GALNT13: variants seen among roughly 807,000 people sequenced by gnomAD.
GALNT13 encodes the protein UDP-GalNAc:polypeptide N-acetylgalactosaminyltransferase 13.
In GALNT13, 28 loss-of-function variants were observed where a neutral mutation model predicts 64.2. The ratio of observed to expected loss-of-function variants is 0.44; its 90% CI spans 0.32 to 0.60. The LOEUF (loss-of-function observed/expected upper bound fraction) is 0.60, where lower values mean the gene tolerates loss of function less well. Ranked by LOEUF, GALNT13 falls within the 20% of genes least tolerant of loss-of-function variation. GALNT13 has a pLI of 0.05. For missense variants in GALNT13, 577 were observed against 669.8 expected, an observed-to-expected ratio of 0.86 and a Z score of 1.53; for synonymous variants, 214 against 224.6, an observed-to-expected ratio of 0.95 and a Z score of 0.42.
chr2:153,300,095 T>C, the GALNT13 span, among the ~76,000 whole-genome samples: 5 of 152,148 alleles, frequency 3.3e-5, no homozygotes, highest in Non-Finnish European at 7.4e-5. Context: ...TGTTCTCAAA[T>C]TACTGTTACT....
chr2:153,490,986 G>A, the GALNT13 span, among the ~76,000 whole-genome samples: 4 of 151,008 alleles, frequency 2.6e-5, no homozygotes, highest in African/African-American at 9.7e-5. Flanking sequence ...AATTATAAAG[G>A]AATATCTATT....
At chr2:153,592,404 T>C in the GALNT13 span, among the ~76,000 whole-genome samples, 1 of 152,200 alleles carries the variant, frequency 6.6e-6, no homozygotes, top group East Asian at 1.9e-4. Flanking sequence ...ATCACAGCAC[T>C]ATTCACAGTA....
chr2:154,008,796 G>GTA (rs1696430002), intron 3 of GALNT13, among the ~76,000 whole-genome samples: 1 of 151,948 alleles, frequency 6.6e-6, no homozygotes, highest in Admixed American at 6.6e-5. Flanking sequence ...GAATTCCATG[G>GTA]TATATATATG....
the GALNT13 span, among the ~76,000 whole-genome samples, chr2:153,451,817 C>T: frequency 8.5e-5 from 13 of 152,286 alleles, no homozygotes; most frequent in East Asian, 1.9e-4. Flanking sequence ...TAGCCCCAGG[C>T]GGCAGGTAGG....
chr2:154,305,846 C>A (rs1283774438), intron 9 of GALNT13, among the ~76,000 whole-genome samples: 1 of 152,152 alleles, frequency 6.6e-6, no homozygotes, highest in Non-Finnish European at 1.5e-5. Context: ...ATTTTTATTA[C>A]TTGTCTCTAT....
chr2:154,364,485 G>A (rs1697250234), intron 9 of GALNT13, among the ~76,000 whole-genome samples: 1 of 152,124 alleles, frequency 6.6e-6, no homozygotes, highest in African/African-American at 2.4e-5. Context: ...CAGTTAGAAA[G>A]TATAGCAAAT....
intron 8 of GALNT13, among the ~76,000 whole-genome samples, chr2:154,291,268 C>A (rs775926811): frequency 6.6e-6 from 1 of 152,116 alleles, no homozygotes; most frequent in Non-Finnish European, 1.5e-5. Flanking sequence ...TTTAGCTAGA[C>A]ACAAAATTTC....
At chr2:154,202,498 T>A (rs1468417887) in intron 4 of GALNT13, among the ~76,000 whole-genome samples, 1 of 152,056 alleles carries the variant, frequency 6.6e-6, no homozygotes, top group Non-Finnish European at 1.5e-5. Flanking sequence ...GTATCCTCTT[T>A]CTTTAGCCAT....
the GALNT13 span, among the ~76,000 whole-genome samples, chr2:153,800,652 C>T: frequency 4.6e-5 from 7 of 152,148 alleles, no homozygotes; most frequent in South Asian, 2.1e-4. Flanking sequence ...ACGACGTTCA[C>T]AAGCATCATC....
the GALNT13 span, among the ~76,000 whole-genome samples, chr2:153,683,383 T>C: frequency 6.6e-6 from 1 of 151,580 alleles, no homozygotes; most frequent in African/African-American, 2.4e-5. Context: ...GAAAAGCAGA[T>C]TTTAGCTCAA....
At chr2:153,839,509 G>A in the GALNT13 span, among the ~76,000 whole-genome samples, 2 of 151,558 alleles carry the variant, frequency 1.3e-5, no homozygotes, top group African/African-American at 4.8e-5. Context: ...TCTCTATTGA[G>A]TTGATTATAA....
chr2:153,657,115 A>G, the GALNT13 span, among the ~76,000 whole-genome samples: 2 of 152,134 alleles, frequency 1.3e-5, no homozygotes, highest in Non-Finnish European at 2.9e-5. Context: ...GGGCTCTACC[A>G]TAGTAAACAC....
chr2:153,609,104 G>T, the GALNT13 span, among the ~76,000 whole-genome samples: 1 of 151,368 alleles, frequency 6.6e-6, no homozygotes, highest in Non-Finnish European at 1.5e-5. Context: ...TTGTTTGTTT[G>T]TTTGTTTTAG....
chr2:154,271,555 G>A (rs1339927713), intron 8 of GALNT13, among the ~76,000 whole-genome samples: 1 of 151,858 alleles, frequency 6.6e-6, no homozygotes, highest in Admixed American at 6.6e-5. Context: ...TAGAATATGT[G>A]TCATAAACCT....
At chr2:153,437,569 A>C in the GALNT13 span, among the ~76,000 whole-genome samples, 2 of 152,128 alleles carry the variant, frequency 1.3e-5, no homozygotes, top group South Asian at 2.1e-4. Context: ...TGATCCCTTT[A>C]CCATTATGTA....
chr2:154,004,573 G>A (rs1696128021), intron 3 of GALNT13, among the ~76,000 whole-genome samples: 2 of 152,116 alleles, frequency 1.3e-5, no homozygotes, highest in Non-Finnish European at 2.9e-5. Context: ...ATGAATATGA[G>A]TCAGCCTTTC....
chr2:154,142,822 A>ATG lies in GALNT13; in HGVS notation c.311+2333_311+2334dup, dbSNP rs199728940. Among the ~76,000 whole-genome samples the ATG allele has an allele frequency of 3.5e-3, 524 of 150,470 alleles. 1 individual carries two copies. The highest frequency in any genetic ancestry group is 0.011 in the East Asian group (56 of 5,134). ...TAATTTTACATGTAGTCCTGTGCAT[A>ATG]TGTGTGTGTGTGTGTGTATATATAT... On this transcript the variant is annotated intron_variant, in intron 4 of 12. Transcript: ENST00000392825.
At chr2:153,169,501 A>G in the GALNT13 span, among the ~76,000 whole-genome samples, 1 of 152,168 alleles carries the variant, frequency 6.6e-6, no homozygotes, top group Non-Finnish European at 1.5e-5. Flanking sequence ...GTTAGATAGG[A>G]CCACAGGTGT....
chr2:153,934,950 T>C (rs1440184680), intron 2 of GALNT13, among the ~76,000 whole-genome samples: 1 of 152,152 alleles, frequency 6.6e-6, no homozygotes, highest in Non-Finnish European at 1.5e-5. Context: ...TCATGTTGGC[T>C]TCTGGTGAAA....
Sources: allele counts gnomAD v4.1 joint callset (sites outside exome capture counted in the v4.1 genomes callset), GRCh38; gene constraint gnomAD v4.1.1; transcripts MANE v1.5; gene names NCBI Gene and HGNC (gene_info 2026-07-23, HGNC 2026-07-21).